The following NEURL1 variants were observed in gnomAD, a reference collection of about 807,000 sequenced individuals.
NEURL1 encodes the protein E3 ubiquitin-protein ligase NEURL1.
NEURL1 carries 26 observed loss-of-function variants against 41.2 expected under a neutral mutation model. The observed-to-expected ratio is 0.63, with a 90% CI of 0.46 to 0.87. NEURL1 has a LOEUF of 0.87. NEURL1 is among the 40% of genes least tolerant of loss of function. The pLI is 0.00. For missense variants in NEURL1, 761 were observed against 871.1 expected (o/e 0.87, Z 1.59); for synonymous variants, 400 against 402.3 (o/e 0.99, Z 0.07).
intron 1 of NEURL1, among the ~76,000 whole-genome samples, chr10:103,553,273 T>C (rs2133868663): frequency 2.6e-5 from 4 of 152,266 alleles, no homozygotes; most frequent in Admixed American, 2.6e-4. Flanking sequence ...GTGTGGATCA[T>C]GCAGTAAGAC....
intron 1 of NEURL1, among the ~76,000 whole-genome samples, chr10:103,512,775 AAAT>A (rs891037880): frequency 7.9e-5 from 12 of 152,016 alleles, no homozygotes; most frequent in Non-Finnish European, 1.5e-5. Context: ...TCTGTTTTGT[AAAT>A]AATTAAATTC....
chr10:103,576,470 C>T (rs1188096089), intron 3 of NEURL1, among the ~76,000 whole-genome samples: 1 of 152,078 alleles, frequency 6.6e-6, no homozygotes, highest in African/African-American at 2.4e-5. Flanking sequence ...GGGAGAGAGC[C>T]ATGAGAGCTG....
At chr10:103,553,318 A>C (rs545045617) in intron 1 of NEURL1, among the ~76,000 whole-genome samples, 25 of 152,326 alleles carry the variant, frequency 1.6e-4, no homozygotes, top group Admixed American at 1.6e-3. Flanking sequence ...ATTATCCGAC[A>C]AAAGGAGTTT....
Position 103,591,386 on chromosome 10 carries a change from C to T in NEURL1, c.*1014C>T, listed in dbSNP as rs1339516129. The T allele has an allele frequency of 6.6e-6, 1 of 152,292 alleles. No individual in the cohort carries two copies. Among genetic ancestry groups the T allele is most frequent in the Non-Finnish European group, 1.5e-5 (1 of 68,130 alleles). The allele number at this position is 152,292 out of a possible 1,614,324, so 9.4% of individuals were successfully genotyped here. On this transcript the variant is annotated 3_prime_UTR_variant, in exon 6 of 6. Transcript: ENST00000369780. ...CTGGGCCAAGACCAGCCTTTTTCCT[C>T]AGTTTAATTAATTTATTTATTTGGT... is the stretch of plus-strand genomic sequence containing the variant.
In NEURL1 at chr10:103,544,070, C is replaced by T. The variant is rs547065377; in HGVS notation, c.86-26802C>T. On this transcript the variant is annotated intron_variant, in intron 1 of 5. Coordinates refer to ENST00000369780, the MANE Select transcript of NEURL1 (RefSeq NM_004210.5). ...GAGGGCTGAGTCGGGCAGAGATGCC[C>T]GCCTGGCAGCCCTGCAGAGGGGGAC... Among the ~76,000 whole-genome samples the T allele has an allele frequency of 3.3e-5, 5 of 152,226 alleles. No homozygotes were observed. The East Asian group carries it at 5.8e-4, about 18-fold the overall frequency.
intron 1 of NEURL1, among the ~76,000 whole-genome samples, chr10:103,542,825 C>T (rs2034847984): frequency 6.6e-6 from 1 of 152,192 alleles, no homozygotes; most frequent in African/African-American, 2.4e-5. Context: ...GCTTTGCAAA[C>T]TGTAAGTCAC....
At chr10:103,546,319 C>G (rs577740832) in intron 1 of NEURL1, among the ~76,000 whole-genome samples, 1 of 152,360 alleles carries the variant, frequency 6.6e-6, no homozygotes, top group East Asian at 1.9e-4. Context: ...GGTTCTGGCC[C>G]AGCTCTGGCA....
At chr10:103,497,342 T>C (rs1412586407) in intron 1 of NEURL1, among the ~76,000 whole-genome samples, 2 of 152,362 alleles carry the variant, frequency 1.3e-5, no homozygotes, top group African/African-American at 2.4e-5. Flanking sequence ...GGATGGCGTC[T>C]GTACTCAGCT....
intron 3 of NEURL1, among the ~76,000 whole-genome samples, chr10:103,575,004 G>C (rs1395847395): frequency 7.4e-6 from 1 of 135,014 alleles, no homozygotes; most frequent in South Asian, 2.4e-4. Flanking sequence ...TTTTTTTTTT[G>C]GTAAAGAGAG....
At position 103,590,708 on chromosome 10, in the gene NEURL1, A is replaced by G. The variant is rs997916402; in HGVS notation, c.*336A>G. On this transcript the variant is annotated 3_prime_UTR_variant, in exon 6 of 6. Coordinates refer to ENST00000369780, the MANE Select transcript of NEURL1 (RefSeq NM_004210.5). ...TCCCCATCTGAGGCAGGTTTCTAGG[A>G]GGTGTCTGTAGTCCATGTGGCACCT... 11 of 348,212 alleles carry G rather than the reference A, an allele frequency of 3.2e-5. No homozygotes were observed. The East Asian group carries it at 6.4e-4, about 20-fold the overall frequency. The allele number at this position is 348,212 out of a possible 1,614,324, so 21.6% of individuals were successfully genotyped here.
chr10:103,537,495 G>T (rs1036895929), intron 1 of NEURL1, among the ~76,000 whole-genome samples: 2 of 152,120 alleles, frequency 1.3e-5, no homozygotes, highest in Admixed American at 1.3e-4. Context: ...CTGGGCTCAG[G>T]TGATCTTCCT....
At chr10:103,568,872 T>C (rs2035480684) in intron 1 of NEURL1, among the ~76,000 whole-genome samples, 1 of 152,236 alleles carries the variant, frequency 6.6e-6, no homozygotes, top group Non-Finnish European at 1.5e-5. Context: ...TGGAATGCAG[T>C]GGAACGATCT....
chr10:103,541,330 G>A (rs536249616), intron 1 of NEURL1, among the ~76,000 whole-genome samples: 3 of 152,176 alleles, frequency 2.0e-5, no homozygotes, highest in Non-Finnish European at 4.4e-5. Flanking sequence ...GAAGCTGGGG[G>A]AGTCTGGGGG....
In NEURL1 at chr10:103,555,191, G is replaced by GCGGC. The variant is rs1294464466; in HGVS notation, c.86-15680_86-15677dup. On this transcript the variant is annotated intron_variant, in intron 1 of 5. Transcript: ENST00000369780. ...CGTGTGGCCGGCTGGCCGCGGGCGGGCGGCGTGCGCGTGTGCCGGAGGGGG... is the reference window on the plus strand; with the variant it reads ...CGTGTGGCCGGCTGGCCGCGGGCGGGCGGCCGGCGTGCGCGTGTGCCGGAGGGGG... 1.3e-4 allele frequency: 70 copies of GCGGC among 529,726 alleles called. No individual in the cohort carries two copies. In the African/African-American group the frequency reaches 1.4e-3, roughly 10 times the overall value. The allele number at this position is 529,726 out of a possible 1,614,324, so 32.8% of individuals were successfully genotyped here.
At chr10:103,533,605 T>A (rs1040801046) in intron 1 of NEURL1, among the ~76,000 whole-genome samples, 2 of 151,780 alleles carry the variant, frequency 1.3e-5, no homozygotes, top group East Asian at 3.9e-4. Flanking sequence ...GGCGCGATCT[T>A]GGCTCACTGC....
rs73341545 is a variant in NEURL1 at position 103,558,572 on chromosome 10, G to C, written c.86-12300G>C. Among the ~76,000 whole-genome samples, 1 of 151,120 alleles carries C rather than the reference G, an allele frequency of 6.6e-6. No homozygotes were observed. The highest frequency in any genetic ancestry group is 1.5e-5 in the Non-Finnish European group (1 of 67,858). ...GTAGTGGGGCTGGTGGTGAGGAGTC[G>C]GGCTCCTCTGGGACCAGCCTGGCAG... On this transcript the variant is annotated intron_variant, in intron 1 of 5. Transcript: ENST00000369780. This position sits in a 1 kb window ranked among gnomAD's most constrained non-coding sequence, Gnocchi z 4.2.
chr10:103,503,745 T>C lies in NEURL1; in HGVS notation c.85+9273T>C, dbSNP rs1041559405. Among the ~76,000 whole-genome samples, 3 of 150,432 alleles carry C rather than the reference T, an allele frequency of 2.0e-5. No individual in the cohort carries two copies. The East Asian group carries it at 5.9e-4, about 29-fold the overall frequency. ...TAAAAATGAATCTGGAGATCACAAT[T>C]GCTAACATATATGTGCTAGAGCTCA... On this transcript the variant is annotated intron_variant, in intron 1 of 5. Transcript: ENST00000369780.
chr10:103,586,492 C>G (rs1038578412), intron 4 of NEURL1, among the ~76,000 whole-genome samples: 9 of 152,130 alleles, frequency 5.9e-5, no homozygotes, highest in African/African-American at 1.9e-4. Context: ...AGTTTGGAGA[C>G]CCCTGGGCCT....
intron 1 of NEURL1, among the ~76,000 whole-genome samples, chr10:103,507,766 G>A (rs997961763): frequency 6.6e-6 from 1 of 152,222 alleles, no homozygotes; most frequent in Non-Finnish European, 1.5e-5. Flanking sequence ...GCCTGTCACA[G>A]GTGGCTCCCA....
Sources: gnomAD v4.1 joint callset for allele counts (sites outside exome capture counted in the v4.1 genomes callset) on GRCh38, gnomAD v4.1.1 for gene constraint, Gnocchi (gnomAD v3.1) non-coding constraint, MANE v1.5 for transcripts, NCBI Gene and HGNC (gene_info 2026-07-23, HGNC 2026-07-21) for gene names.